VPS13D: variants seen among roughly 807,000 people sequenced by gnomAD.
VPS13D encodes the protein intermembrane lipid transfer protein VPS13D.
In VPS13D, 187 loss-of-function variants were observed where a neutral mutation model predicts 461.9. The ratio of observed to expected loss-of-function variants is 0.40; its 90% CI spans 0.36 to 0.46. VPS13D has a LOEUF of 0.46. VPS13D is among the 20% of genes least tolerant of loss of function. VPS13D has a pLI of 0.60. For synonymous variants in VPS13D, 1,951 were observed against 1,986.3 expected, an observed-to-expected ratio of 0.98 and a Z score of 0.47; for missense variants, 4,711 against 5,364.9, an observed-to-expected ratio of 0.88 and a Z score of 3.81.
chr1:12,444,406 T>G (rs557866423), intron 65 of VPS13D, among the ~76,000 whole-genome samples: 24 of 152,192 alleles, frequency 1.6e-4, no homozygotes, highest in Non-Finnish European at 3.1e-4. Context: ...GAATTTGCAG[T>G]GAAGTCTTTG....
At position 12,276,106 on chromosome 1, in the gene VPS13D, G is replaced by T. The variant is rs1364525835; in HGVS notation, c.2518G>T (p.Asp840Tyr). Residue 840 changes from aspartate (D) to tyrosine (Y), a missense_variant, in exon 19 of 70, where the codon GAT becomes TAT. By Grantham distance (160) the Asp-to-Tyr change is radical. This residue lies in a region of VPS13D where 4,411 missense variants were observed against 4,937.8 expected (regional missense o/e 0.89). Coordinates refer to ENST00000620676, the MANE Select transcript of VPS13D (RefSeq NM_015378.4). The surrounding 1 kb of genome is among the most constrained non-coding windows in gnomAD (Gnocchi z 4.5). ...RVKDNWKHVQDIDVGPTHVVE... is the reference protein window; with the variant it reads ...RVKDNWKHVQYIDVGPTHVVE... ...GAAAGACAATTGGAAGCATGTCCAGGATATTGACGTGGGACCAACACATGT... is the reference window on the plus strand; with the variant it reads ...GAAAGACAATTGGAAGCATGTCCAGTATATTGACGTGGGACCAACACATGT... The T allele has an allele frequency of 6.8e-6, 11 of 1,614,124 alleles. No individual in the cohort carries two copies. The highest frequency in any genetic ancestry group is 9.3e-6 in the Non-Finnish European group (11 of 1,180,020).
At chr1:12,401,814 A>G in intron 62 of VPS13D, 110 bp downstream of exon 62, 1 of 794,116 alleles carries the variant, frequency 1.3e-6, no homozygotes, top group South Asian at 1.7e-5. Flanking sequence ...CTCCCTTTCC[A>G]CATCTCAGCC....
In VPS13D at chr1:12,322,672, C is replaced by G. The variant is rs754901083; in HGVS notation, c.7841C>G (p.Thr2614Ser). ...GCCCTGGAGTCAGACTCCGTTGGCA[C>G]TTACCTTCCAGGTGCATCTCGCGTT... ...SVALESDSVG[T>S]YLPGASRVGE... Residue 2614 changes from threonine (T) to serine (S), a missense_variant, in exon 34 of 70, where the codon ACT (threonine) becomes AGT (serine). Physicochemically the swap from Thr to Ser is moderately conservative, Grantham distance 58. Coordinates refer to ENST00000620676, the MANE Select transcript of VPS13D (RefSeq NM_015378.4). 5 of 1,614,116 alleles carry G rather than the reference C, an allele frequency of 3.1e-6. No homozygotes were observed. Among genetic ancestry groups the G allele is most frequent in the South Asian group, 1.1e-5 (1 of 91,094 alleles).
intron 36 of VPS13D, among the ~76,000 whole-genome samples, chr1:12,329,510 GC>G (rs1302456649): frequency 6.6e-6 from 1 of 152,192 alleles, no homozygotes; most frequent in Non-Finnish European, 1.5e-5. Context: ...ACCGTACCTG[GC>G]CAGAAATATC....
chr1:12,308,539 G>A lies in VPS13D; in HGVS notation c.6548G>A (p.Ser2183Asn). ...REYSKAPEDS[S>N]GDLIFPSYFV... ...TACTCGAAGGCACCAGAGGATAGTA[G>A]TGGAGATCTGATCTTCCCTTCCTAT... Residue 2183 changes from serine to asparagine, a missense_variant, in exon 27 of 70, where the codon AGT becomes AAT. Ser to Asn is a conservative substitution (Grantham distance 46, BLOSUM62 1). Coordinates refer to ENST00000620676, the MANE Select transcript of VPS13D (RefSeq NM_015378.4). 5 of 1,614,086 alleles carry A rather than the reference G, an allele frequency of 3.1e-6. No individual in the cohort carries two copies. The highest frequency in any genetic ancestry group is 2.7e-5 in the African/African-American group (2 of 74,992).
chr1:12,279,478 A>AGC lies in VPS13D; in HGVS notation c.4451-21_4451-20insGC. 6.3e-7 allele frequency: 1 copy of AGC among 1,578,334 alleles called. No homozygotes were observed. ...TAAATATTAAGGTTTATGGTCTATC[A>AGC]TTTCATCTCTTTTATGCCAGCTTTT... On this transcript the variant is annotated intron_variant, in intron 19 of 69. Coordinates refer to ENST00000620676, the MANE Select transcript of VPS13D (RefSeq NM_015378.4). The surrounding 1 kb of genome is among the most constrained non-coding windows in gnomAD (Gnocchi z 4.3).
chr1:12,242,771 TG>T (rs1640420501), intron 3 of VPS13D, among the ~76,000 whole-genome samples, 181 bp downstream of exon 3: 1 of 152,162 alleles, frequency 6.6e-6, no homozygotes, highest in Non-Finnish European at 1.5e-5. Flanking sequence ...GACCTTGTGA[TG>T]GTGGTGGGGA....
intron 52 of VPS13D, chr1:12,367,590 T>TTTATTTA (rs1557736414): frequency 8.3e-6 from 1 of 121,006 alleles, no homozygotes; most frequent in African/African-American, 4.8e-5. Flanking sequence ...TTATTTATTT[T>TTTATTTA]TGGAAACAGA....
chr1:12,333,700 A>G (rs1047835252), intron 38 of VPS13D, among the ~76,000 whole-genome samples: 1 of 152,250 alleles, frequency 6.6e-6, no homozygotes, highest in Admixed American at 6.5e-5. Context: ...TGCTCAAGCT[A>G]TTCACGGACT....
intron 19 of VPS13D, among the ~76,000 whole-genome samples, chr1:12,278,527 G>A (rs745786590): frequency 3.9e-5 from 6 of 152,114 alleles, no homozygotes; most frequent in South Asian, 2.1e-4. Flanking sequence ...TGCCTGCCTC[G>A]GCCTCCCAAA....
rs1257898798 is a variant in VPS13D, at chr1:12,432,827, T to C, written c.12333+16000T>C. Among the ~76,000 whole-genome samples the C allele has an allele frequency of 3.9e-5, 6 of 152,104 alleles. No homozygotes were observed. The South Asian group carries it at 1.2e-3, about 32-fold the overall frequency. On this transcript the variant is annotated intron_variant, in intron 65 of 69. Transcript: ENST00000620676. ...TCAGGCTGGTCTCTAACTCCTGGGCTGAAGTGATCCTCCTGCCTCAGCCTC... is the reference window on the plus strand; with the variant it reads ...TCAGGCTGGTCTCTAACTCCTGGGCCGAAGTGATCCTCCTGCCTCAGCCTC...
At chr1:12,409,456 T>C (rs1286573022) in intron 63 of VPS13D, among the ~76,000 whole-genome samples, 3 of 152,194 alleles carry the variant, frequency 2.0e-5, no homozygotes, top group East Asian at 3.8e-4. Flanking sequence ...GAAATTTTAA[T>C]ATATAATAAA....
Position 12,318,226 on chromosome 1 carries a change from A to G in VPS13D, c.7303A>G (p.Ser2435Gly). The G allele has an allele frequency of 6.2e-7, 1 of 1,614,218 alleles. No individual in the cohort carries two copies. Among genetic ancestry groups the G allele is most frequent in the Non-Finnish European group, 8.5e-7 (1 of 1,180,028 alleles). Reference sequence around the variant, plus strand: ...TACTCCTTCTCGCCACCGTAACTCTAGCAGCGAATCTGCTATAGTTCCCAA... The same window carrying G: ...TACTCCTTCTCGCCACCGTAACTCTGGCAGCGAATCTGCTATAGTTCCCAA... ...HVTPSRHRNS[S>G]SESAIVPKTV... The change falls in exon 31 of 70, where the codon AGC becomes GGC. Residue 2435 changes from serine to glycine, a missense_variant. Physicochemically the swap from Ser to Gly is moderately conservative, Grantham distance 56. Transcript: ENST00000620676.
chr1:12,264,256 G>T (rs1036979850), intron 13 of VPS13D, among the ~76,000 whole-genome samples: 1 of 152,152 alleles, frequency 6.6e-6, no homozygotes, highest in Non-Finnish European at 1.5e-5. Context: ...TTGAAATTGG[G>T]CTAATAACCC....
chr1:12,341,359 T>G (rs997789782), intron 40 of VPS13D, among the ~76,000 whole-genome samples: 4 of 152,222 alleles, frequency 2.6e-5, no homozygotes, highest in Admixed American at 6.5e-5. Context: ...GGGTAACTTA[T>G]GTAAAGGGAG....
At chr1:12,372,088 C>G (rs530224027) in intron 54 of VPS13D, among the ~76,000 whole-genome samples, 1 of 151,912 alleles carries the variant, frequency 6.6e-6, no homozygotes, top group Non-Finnish European at 1.5e-5. Context: ...GACAAGGTCT[C>G]TGTCACCCAG....
intron 55 of VPS13D, 54 bp downstream of exon 55, chr1:12,373,912 G>A: frequency 7.2e-7 from 1 of 1,392,240 alleles, no homozygotes; most frequent in Non-Finnish European, 9.9e-7. Context: ...CACTGGACGG[G>A]ACTCAGGATC....
chr1:12,357,242 T>TC (rs1643893517), intron 49 of VPS13D, among the ~76,000 whole-genome samples: 1 of 152,222 alleles, frequency 6.6e-6, no homozygotes, highest in African/African-American at 2.4e-5. Flanking sequence ...CAGAAAGTCT[T>TC]CTGGGGTACC....
intron 19 of VPS13D, among the ~76,000 whole-genome samples, chr1:12,278,706 C>T (rs1438966716): frequency 6.6e-6 from 1 of 152,212 alleles, no homozygotes; most frequent in Non-Finnish European, 1.5e-5. Flanking sequence ...TGTTCCCAAG[C>T]TGTCGATCCT....
Sources: gnomAD v4.1 joint callset for allele counts (sites outside exome capture counted in the v4.1 genomes callset) on GRCh38, gnomAD v4.1.1 for gene constraint, gnomAD v4.1.1 regional missense constraint, Gnocchi (gnomAD v3.1) non-coding constraint, MANE v1.5 for transcripts, NCBI Gene and HGNC (gene_info 2026-07-23, HGNC 2026-07-21) for gene names.